The following ADGRL2 variants were observed in gnomAD, a reference collection of about 807,000 sequenced individuals.
ADGRL2 encodes calcium-independent alpha-latrotoxin receptor 2.
A neutral mutation model predicts 157.4 loss-of-function variants in ADGRL2; 44 were observed. That is an observed-to-expected ratio of 0.28 (90% CI 0.22 to 0.36). ADGRL2 has a LOEUF of 0.36. Among genes scored for constraint, ADGRL2 ranks in the 10% least tolerant of loss-of-function variants. ADGRL2 has a pLI of 1.00. For missense variants in ADGRL2, 1,510 were observed against 1,768.9 expected, an observed-to-expected ratio of 0.85 and a Z score of 2.63; for synonymous variants, 585 against 624.7, an observed-to-expected ratio of 0.94 and a Z score of 0.95.
intron 1 of ADGRL2, among the ~76,000 whole-genome samples, chr1:81,427,938 G>A (rs1217498078): frequency 1.3e-5 from 2 of 152,008 alleles, no homozygotes; most frequent in Non-Finnish European, 2.9e-5. Context: ...ATATTGCCCT[G>A]TAAATTGCGG....
At chr1:81,692,242 A>G (rs894212866) in intron 3 of ADGRL2, among the ~76,000 whole-genome samples, 1 of 152,052 alleles carries the variant, frequency 6.6e-6, no homozygotes, top group African/African-American at 2.4e-5. Context: ...CCCCATCTCT[A>G]CTAAAAATAC....
chr1:81,407,212 C>T (rs752316542), intron 1 of ADGRL2, among the ~76,000 whole-genome samples: 4 of 152,256 alleles, frequency 2.6e-5, no homozygotes, highest in Non-Finnish European at 4.4e-5. Context: ...CTGTTTCTGG[C>T]GAGAGAGATT....
At chr1:81,674,369 A>C (rs571944357) in intron 3 of ADGRL2, among the ~76,000 whole-genome samples, 3 of 152,258 alleles carry the variant, frequency 2.0e-5, no homozygotes, top group African/African-American at 7.2e-5. Flanking sequence ...AACACTTACC[A>C]CTGTGCCAGG....
chr1:81,980,760 T>C, intron 18 of ADGRL2: 2 of 658,068 alleles, frequency 3.0e-6, no homozygotes, highest in Non-Finnish European at 5.7e-6. Context: ...TCTCTTTTCT[T>C]CCTTTTCCTC....
intron 1 of ADGRL2, among the ~76,000 whole-genome samples, chr1:81,720,719 C>T (rs1049299911): frequency 3.9e-5 from 6 of 151,910 alleles, no homozygotes; most frequent in African/African-American, 1.5e-4. Flanking sequence ...AAGGCTATTG[C>T]AGCTATTAGA....
At chr1:81,492,339 C>T (rs924115925) in intron 2 of ADGRL2, among the ~76,000 whole-genome samples, 1 of 151,952 alleles carries the variant, frequency 6.6e-6, no homozygotes, top group Non-Finnish European at 1.5e-5. Context: ...GTAAAATAAC[C>T]AATGAAGTGA....
intron 2 of ADGRL2, among the ~76,000 whole-genome samples, chr1:81,560,950 T>A (rs2080426819): frequency 6.6e-6 from 1 of 152,224 alleles, no homozygotes; most frequent in Admixed American, 6.5e-5. Flanking sequence ...CCAGACACAA[T>A]CCCGCCTTAG....
chr1:81,340,500 G>A (rs61768872), intron 1 of ADGRL2, among the ~76,000 whole-genome samples: 19,645 of 151,980 alleles, frequency 0.13, 1,748 homozygotes, highest in Admixed American at 0.2. Context: ...GGCTGAATAG[G>A]AAGGGAATTA....
chr1:81,462,377 G>A (rs1040129070), intron 2 of ADGRL2, among the ~76,000 whole-genome samples: 6 of 152,252 alleles, frequency 3.9e-5, no homozygotes, highest in South Asian at 2.1e-4. Flanking sequence ...CTCAGTCTTT[G>A]GGTCTGTGCC....
chr1:81,621,635 T>C (rs2081792381), intron 3 of ADGRL2, among the ~76,000 whole-genome samples: 1 of 152,212 alleles, frequency 6.6e-6, no homozygotes. Flanking sequence ...TCTTCTTTAG[T>C]TGAGTCTCCA....
chr1:81,564,571 G>A (rs1190390687), intron 2 of ADGRL2, among the ~76,000 whole-genome samples: 1 of 152,174 alleles, frequency 6.6e-6, no homozygotes, highest in Non-Finnish European at 1.5e-5. Context: ...CCATCAAGAT[G>A]AGCAAGGAAG....
chr1:81,732,659 T>G (rs17107035), intron 1 of ADGRL2, among the ~76,000 whole-genome samples: 8,922 of 152,260 alleles, frequency 0.059, 322 homozygotes, highest in East Asian at 0.11. Flanking sequence ...TAAGGGTTTT[T>G]TGAAGCCCAT....
chr1:81,878,631 G>T (rs1428395970), intron 2 of ADGRL2, among the ~76,000 whole-genome samples: 3 of 152,108 alleles, frequency 2.0e-5, no homozygotes, highest in Admixed American at 6.5e-5. Context: ...CTTCAGAAAA[G>T]AAATTAAAAT....
chr1:81,400,494 A>G (rs1392283410), intron 1 of ADGRL2, among the ~76,000 whole-genome samples: 1 of 152,096 alleles, frequency 6.6e-6, no homozygotes, highest in East Asian at 1.9e-4. Context: ...GGCCAACTCT[A>G]GGGAAGAAAG....
chr1:81,875,866 T>G (rs187091913), intron 2 of ADGRL2, among the ~76,000 whole-genome samples: 237 of 152,298 alleles, frequency 1.6e-3, no homozygotes, highest in African/African-American at 5.6e-3. Context: ...CCCGTCTCTC[T>G]AATGCACAGT....
chr1:81,852,039 A>C (rs1384996251), intron 2 of ADGRL2, among the ~76,000 whole-genome samples: 1 of 151,948 alleles, frequency 6.6e-6, no homozygotes, highest in Admixed American at 6.6e-5. Flanking sequence ...TGGTAACTAA[A>C]ATGTTTGCTC....
At chr1:81,551,778 A>G (rs547481301) in intron 2 of ADGRL2, among the ~76,000 whole-genome samples, 1 of 152,200 alleles carries the variant, frequency 6.6e-6, no homozygotes, top group African/African-American at 2.4e-5. Context: ...TCTGAAACAT[A>G]TAGCTTTTTA....
chr1:81,455,553 G>A (rs2077787363), intron 2 of ADGRL2, among the ~76,000 whole-genome samples: 1 of 152,180 alleles, frequency 6.6e-6, no homozygotes, highest in Non-Finnish European at 1.5e-5. Flanking sequence ...CAGCACAGAG[G>A]TGTGTTACAT....
rs1287600107 is a variant in ADGRL2, at chr1:81,446,174, G to A, written c.-248+1085G>A. ...TGCCCTTTGAATGAGTTCCTGGCTC[G>A]CTCTAGGTGGTGTGACGTGTAAAGT... is the stretch of plus-strand genomic sequence containing the variant. On this transcript the variant is annotated intron_variant, in intron 2 of 24. Transcript: ENST00000370721. 2.0e-5 allele frequency among the ~76,000 whole-genome samples: 3 copies of A among 152,232 alleles called. No individual in the cohort carries two copies. In the East Asian group the frequency reaches 5.8e-4, roughly 29 times the overall value.
Sources: allele counts gnomAD v4.1 joint callset (sites outside exome capture counted in the v4.1 genomes callset), GRCh38; gene constraint gnomAD v4.1.1; transcripts MANE v1.5; gene names NCBI Gene and HGNC (gene_info 2026-07-23, HGNC 2026-07-21).